ACACB: variants seen among roughly 807,000 people sequenced by gnomAD.
The protein encoded by ACACB is acetyl-CoA carboxylase 2.
In ACACB, 209 loss-of-function variants were observed where a neutral mutation model predicts 278.8. That is an observed-to-expected ratio of 0.75 (90% CI 0.67 to 0.84). The LOEUF is 0.84. ACACB is among the 40% of genes least tolerant of loss of function. The pLI is 0.00. For missense variants in ACACB, 2,850 were observed against 3,269.0 expected, an observed-to-expected ratio of 0.87 and a Z score of 3.13; for synonymous variants, 1,174 against 1,285.6, an observed-to-expected ratio of 0.91 and a Z score of 1.86.
At chr12:109,228,059 A>G (rs2046365279) in intron 28 of ACACB, among the ~76,000 whole-genome samples, 2 of 150,316 alleles carry the variant, frequency 1.3e-5, no homozygotes, top group South Asian at 4.2e-4. Flanking sequence ...AAGAGGCCAA[A>G]CACAGTAGTG....
At chr12:109,227,564 G>T (rs1448349159) in intron 28 of ACACB, 75 bp downstream of exon 28, 6 of 1,435,498 alleles carry the variant, frequency 4.2e-6, no homozygotes, top group Non-Finnish European at 5.8e-6. Context: ...TCTCTGGAAG[G>T]ACCTGGCAAG....
chr12:109,221,439 T>C (rs568700031), intron 24 of ACACB, among the ~76,000 whole-genome samples: 1 of 152,290 alleles, frequency 6.6e-6, no homozygotes, highest in Non-Finnish European at 1.5e-5. Context: ...CCAAGCCCCA[T>C]ATGCACTTAG....
intron 2 of ACACB, among the ~76,000 whole-genome samples, chr12:109,157,701 A>C (rs554171631): frequency 6.6e-6 from 1 of 152,306 alleles, no homozygotes; most frequent in East Asian, 1.9e-4. Flanking sequence ...TGGAGTTGGG[A>C]GGCATTTGGG....
Position 109,199,422 on chromosome 12 carries a change from A to G in ACACB, c.2648A>G (p.Asn883Ser), listed in dbSNP as rs201708270. The G allele has an allele frequency of 1.6e-5, 24 of 1,522,942 alleles. No homozygotes were observed. The African/African-American group carries it at 2.8e-4, about 18-fold the overall frequency. The allele number at this position is 1,522,942 out of a possible 1,614,324, so 94.3% of individuals were successfully genotyped here. A position where few individuals can be genotyped will look rare whatever the true frequency, so the allele number is the denominator to read the frequency against. The change falls in exon 18 of 53, where the codon AAT becomes AGT. Residue 883 changes from asparagine (N) to serine (S), a missense_variant. Physicochemically the swap from Asn to Ser is conservative, Grantham distance 46. This residue lies in a region of ACACB where 2,265 missense variants were observed against 2,561.3 expected (regional missense o/e 0.88). Coordinates refer to ENST00000338432, the MANE Select transcript of ACACB (RefSeq NM_001093.4). ...CCCAGTTACCGAATTACCATCGGCAATAAGACGTGTGTGTTTGAGAAGGAG... is the reference window on the plus strand; with the variant it reads ...CCCAGTTACCGAATTACCATCGGCAGTAAGACGTGTGTGTTTGAGAAGGAG... The part of the protein sequence containing the change: ...EVDSYRITIG[N>S]KTCVFEKEND...
intron 28 of ACACB, among the ~76,000 whole-genome samples, chr12:109,231,659 AG>A (rs2046475943): frequency 2.0e-5 from 3 of 152,172 alleles, no homozygotes; most frequent in South Asian, 4.1e-4. Flanking sequence ...CTGACTTATT[AG>A]GGGGCAAGGA....
Position 109,222,781 on chromosome 12 carries a change from CCA to C in ACACB, c.3679-17_3679-16del. ...GGGAGGTTGGCTCACGCCAGCGCCC[CCA>C]TCCCTCCCCCTGCAGATCCTGATTG... On this transcript the variant is annotated splice_polypyrimidine_tract_variant and intron_variant, in intron 25 of 52. Transcript: ENST00000338432. 5.0e-6 allele frequency: 8 copies of C among 1,602,058 alleles called. No homozygotes were observed. Among genetic ancestry groups the C allele is most frequent in the Non-Finnish European group, 6.8e-6 (8 of 1,169,918 alleles).
At chr12:109,217,115 C>T (rs2046025213) in intron 24 of ACACB, among the ~76,000 whole-genome samples, 195 bp downstream of exon 24, 2 of 152,122 alleles carry the variant, frequency 1.3e-5, no homozygotes, top group South Asian at 4.1e-4. Context: ...AACCTCGTCT[C>T]CACTAAAAAT....
Position 109,194,328 on chromosome 12 carries a change from C to T in ACACB, c.2481+599C>T, listed in dbSNP as rs572421527. 6.6e-5 allele frequency among the ~76,000 whole-genome samples: 10 copies of T among 152,040 alleles called. No individual in the cohort carries two copies. The South Asian group carries it at 1.5e-3, about 22-fold the overall frequency. On this transcript the variant is annotated intron_variant, in intron 16 of 52. Transcript: ENST00000338432. Reference sequence around the variant, plus strand: ...CTTCTGTCTCAGCCTCCTGAGTAGCCGAGATTATAGGCATATGCCACCATG... The same window carrying T: ...CTTCTGTCTCAGCCTCCTGAGTAGCTGAGATTATAGGCATATGCCACCATG...
At chr12:109,222,732 G>A in intron 25 of ACACB, 67 bp from the exon 26 acceptor site, 1 of 1,547,260 alleles carries the variant, frequency 6.5e-7, no homozygotes, top group Non-Finnish European at 8.9e-7. Flanking sequence ...GCCGGCCCGT[G>A]CCCGAGCCTC....
At chr12:109,197,271 T>C (rs2268392) in intron 17 of ACACB, 118 bp downstream of exon 17, 741,059 of 1,314,558 alleles carry the variant, frequency 0.56, 208,832 homozygotes, top group Middle Eastern at 0.67. Flanking sequence ...GGTGCCTTTC[T>C]GGTAAATTCT....
chr12:109,220,376 G>T (rs1217151500), intron 24 of ACACB, among the ~76,000 whole-genome samples: 1 of 152,200 alleles, frequency 6.6e-6, no homozygotes, highest in East Asian at 1.9e-4. Context: ...ATTTCGAAAT[G>T]AATTTTTTTG....
At chr12:109,147,065 C>T (rs189761105) in intron 2 of ACACB, among the ~76,000 whole-genome samples, 1 of 152,282 alleles carries the variant, frequency 6.6e-6, no homozygotes, top group East Asian at 1.9e-4. Context: ...GCCTCTACTG[C>T]TAGCTCTTTG....
chr12:109,134,531 C>T (rs2042922548), intron 1 of ACACB, among the ~76,000 whole-genome samples: 1 of 152,176 alleles, frequency 6.6e-6, no homozygotes, highest in Admixed American at 6.5e-5. Context: ...TTCCTGAGGG[C>T]ATGTGTGAGC....
At chr12:109,223,119 T>C (rs908251564) in intron 26 of ACACB, among the ~76,000 whole-genome samples, 2 of 151,980 alleles carry the variant, frequency 1.3e-5, no homozygotes, top group Non-Finnish European at 1.5e-5. Flanking sequence ...TGGAGCCCAG[T>C]CCTCCAGGAA....
chr12:109,205,598 C>T (rs979989401), intron 19 of ACACB, among the ~76,000 whole-genome samples: 1 of 151,940 alleles, frequency 6.6e-6, no homozygotes, highest in African/African-American at 2.4e-5. Context: ...TACAGGCACG[C>T]GCCACCATGA....
intron 7 of ACACB, 65 bp downstream of exon 7, chr12:109,174,295 A>G (rs918537439): frequency 1.1e-5 from 14 of 1,289,532 alleles, no homozygotes; most frequent in Non-Finnish European, 1.5e-5. Flanking sequence ...GTGAACGGTC[A>G]GGGTGACAGA....
intron 2 of ACACB, among the ~76,000 whole-genome samples, chr12:109,143,791 C>T (rs2043176236): frequency 6.6e-6 from 1 of 152,110 alleles, no homozygotes; most frequent in South Asian, 2.1e-4. Context: ...AAGCCTTAGA[C>T]ATGTGTGCTG....
At chr12:109,221,603 G>A (rs1593615961) in intron 24 of ACACB, among the ~76,000 whole-genome samples, 2 of 152,124 alleles carry the variant, frequency 1.3e-5, no homozygotes, top group Non-Finnish European at 1.5e-5. Context: ...CTCTGAAACC[G>A]TGAGCGCCTT....
chr12:109,171,809 C>T lies in ACACB; in HGVS notation c.930C>T (p.Tyr310=). The change falls in exon 5 of 53, where the codon TAC becomes TAT. Residue 310 remains tyrosine (Y), a synonymous_variant. Coordinates refer to ENST00000338432, the MANE Select transcript of ACACB (RefSeq NM_001093.4). ...TPEDLKANAE[Y]IKMADHYVPV... is the part of the protein sequence containing the mutation. ...CTCCCTCCCATTTAATTTCAGAGTACATCAAGATGGCGGATCATTACGTCC... is the reference window on the plus strand; with the variant it reads ...CTCCCTCCCATTTAATTTCAGAGTATATCAAGATGGCGGATCATTACGTCC... 6.2e-7 allele frequency: 1 copy of T among 1,612,658 alleles called. No individual in the cohort carries two copies. Among genetic ancestry groups the T allele is most frequent in the Non-Finnish European group, 8.5e-7 (1 of 1,178,678 alleles).
Sources: allele counts gnomAD v4.1 joint callset (sites outside exome capture counted in the v4.1 genomes callset), GRCh38; gene constraint gnomAD v4.1.1; regional missense constraint gnomAD v4.1.1; transcripts MANE v1.5; gene names NCBI Gene and HGNC (gene_info 2026-07-23, HGNC 2026-07-21).